DLG2: variants seen among roughly 807,000 people sequenced by gnomAD.
DLG2 encodes disks large homolog 2.
DLG2 carries 45 observed loss-of-function variants against 132.5 expected under a neutral mutation model. That is an observed-to-expected ratio of 0.34 (90% CI 0.27 to 0.44). The LOEUF is 0.44. Among genes scored for constraint, DLG2 ranks in the 20% least tolerant of loss-of-function variants. DLG2 has a pLI of 1.00. For missense variants in DLG2, 1,045 were observed against 1,196.9 expected (o/e 0.87, Z 1.87); for synonymous variants, 424 against 419.6 (o/e 1.01, Z -0.13).
intron 6 of DLG2, among the ~76,000 whole-genome samples, chr11:84,960,721 A>G (rs2052433841): frequency 1.3e-5 from 2 of 152,150 alleles, no homozygotes; most frequent in African/African-American, 4.8e-5. Context: ...TTTAAAGGAC[A>G]TAAGCTTTAT....
intron 21 of DLG2, among the ~76,000 whole-genome samples, chr11:83,523,018 C>A (rs1425621330): frequency 6.6e-6 from 1 of 152,050 alleles, no homozygotes; most frequent in East Asian, 1.9e-4. Context: ...CAATAATTAC[C>A]ATAGTGAGCA....
At chr11:84,894,304 T>C (rs2089882851) in intron 6 of DLG2, among the ~76,000 whole-genome samples, 1 of 152,170 alleles carries the variant, frequency 6.6e-6, no homozygotes, top group Admixed American at 6.6e-5. Flanking sequence ...TATCTTGCCT[T>C]TCACTTAAAT....
chr11:83,644,538 A>T (rs2067547262), intron 18 of DLG2, among the ~76,000 whole-genome samples: 1 of 152,058 alleles, frequency 6.6e-6, no homozygotes, highest in African/African-American at 2.4e-5. Context: ...ACTCCTTGAG[A>T]TGCTAAATGT....
At chr11:84,535,794 T>G (rs140870071) in intron 6 of DLG2, among the ~76,000 whole-genome samples, 1 of 152,302 alleles carries the variant, frequency 6.6e-6, no homozygotes, top group East Asian at 1.9e-4. Context: ...AATAAAGTGT[T>G]AGTTTGCTTT....
intron 6 of DLG2, among the ~76,000 whole-genome samples, chr11:84,722,135 A>T (rs1213358119): frequency 6.6e-6 from 1 of 152,210 alleles, no homozygotes. Context: ...CTCCAGAAAC[A>T]TGTTCCAAAG....
chr11:83,828,769 G>C, intron 17 of DLG2, among the ~76,000 whole-genome samples: 1 of 152,136 alleles, frequency 6.6e-6, no homozygotes, highest in African/African-American at 2.4e-5. Context: ...TTAAAGCAGA[G>C]TTGATAGTAA....
chr11:85,264,023 G>A (rs962801889), intron 4 of DLG2, among the ~76,000 whole-genome samples: 5 of 152,176 alleles, frequency 3.3e-5, no homozygotes, highest in Non-Finnish European at 7.4e-5. Context: ...GGCCTGTGTA[G>A]ATAAGGTCGT....
intron 18 of DLG2, among the ~76,000 whole-genome samples, chr11:83,751,015 C>T (rs1006991371): frequency 5.3e-5 from 8 of 152,026 alleles, no homozygotes; most frequent in Non-Finnish European, 1.0e-4. Context: ...ATGAGAGAGA[C>T]AGAAAAATAT....
intron 6 of DLG2, among the ~76,000 whole-genome samples, chr11:85,067,942 G>C (rs999789762): frequency 1.3e-5 from 2 of 151,910 alleles, no homozygotes; most frequent in African/African-American, 4.8e-5. Context: ...ACATCAAAAA[G>C]CTTATCCACC....
At chr11:83,874,153 A>G (rs1035087962) in intron 16 of DLG2, among the ~76,000 whole-genome samples, 1 of 135,812 alleles carries the variant, frequency 7.4e-6, no homozygotes, top group Non-Finnish European at 1.6e-5. Context: ...AGGGAAGGAA[A>G]GAAAGAAAGA....
intron 6 of DLG2, among the ~76,000 whole-genome samples, chr11:84,959,489 C>T (rs536658300): frequency 1.4e-4 from 21 of 152,290 alleles, no homozygotes; most frequent in South Asian, 2.1e-4. Flanking sequence ...TTTGTAATTA[C>T]GCCTTTGTAT....
At chr11:84,931,126 T>C (rs1467866375) in intron 6 of DLG2, among the ~76,000 whole-genome samples, 1 of 152,158 alleles carries the variant, frequency 6.6e-6, no homozygotes, top group Non-Finnish European at 1.5e-5. Context: ...CTACGGCTTC[T>C]GACCTTAGGT....
chr11:84,502,809 G>C (rs2099225146), intron 7 of DLG2, among the ~76,000 whole-genome samples: 1 of 151,936 alleles, frequency 6.6e-6, no homozygotes, highest in Non-Finnish European at 1.5e-5. Flanking sequence ...TAAAATGGAA[G>C]GCATAGAAGT....
chr11:85,531,036 A>T (rs1325778950), intron 3 of DLG2, among the ~76,000 whole-genome samples: 1 of 152,216 alleles, frequency 6.6e-6, no homozygotes, highest in African/African-American at 2.4e-5. Context: ...TTAGACTGGG[A>T]TTTCTTAAAA....
chr11:85,284,593 C>T (rs1436395268), intron 4 of DLG2, among the ~76,000 whole-genome samples: 1 of 151,906 alleles, frequency 6.6e-6, no homozygotes, highest in African/African-American at 2.4e-5. Context: ...CATGCCTCAA[C>T]TTGCCTTAGT....
At chr11:83,656,086 C>A (rs911179204) in intron 18 of DLG2, among the ~76,000 whole-genome samples, 13 of 152,218 alleles carry the variant, frequency 8.5e-5, no homozygotes, top group African/African-American at 3.1e-4. Context: ...GGTCAGGGAA[C>A]ATCTTGCAGC....
chr11:84,680,877 G>A (rs1462019503), intron 6 of DLG2, among the ~76,000 whole-genome samples: 2 of 152,164 alleles, frequency 1.3e-5, no homozygotes, highest in African/African-American at 4.8e-5. Flanking sequence ...AACCCAAGTT[G>A]AGTACACAGA....
At chr11:85,169,264 C>A (rs1165559918) in intron 4 of DLG2, among the ~76,000 whole-genome samples, 2 of 152,070 alleles carry the variant, frequency 1.3e-5, no homozygotes, top group Non-Finnish European at 2.9e-5. Context: ...GATGCAGAAC[C>A]TGTGGCTAAG....
intron 12 of DLG2, 26 bp downstream of exon 12, chr11:83,980,480 C>G: frequency 6.2e-7 from 1 of 1,600,252 alleles, no homozygotes; most frequent in Non-Finnish European, 8.5e-7. Context: ...TAAATATACA[C>G]ACAGTTTTGC....
Sources: gnomAD v4.1 joint callset for allele counts (sites outside exome capture counted in the v4.1 genomes callset) on GRCh38, gnomAD v4.1.1 for gene constraint, MANE v1.5 for transcripts, NCBI Gene and HGNC (gene_info 2026-07-23, HGNC 2026-07-21) for gene names.